Variants in AGPAT4 observed in about 807,000 individuals in gnomAD.
The protein encoded by AGPAT4 is 1-acyl-sn-glycerol-3-phosphate acyltransferase delta.
In AGPAT4, 15 loss-of-function variants were observed where a neutral mutation model predicts 48.0. That is an observed-to-expected ratio of 0.31 (90% CI 0.21 to 0.48). The LOEUF (loss-of-function observed/expected upper bound fraction) is 0.48, where lower values mean the gene tolerates loss of function less well. Ranked by LOEUF, AGPAT4 falls within the 20% of genes least tolerant of loss-of-function variation. The probability of loss-of-function intolerance (pLI) is 0.99; values close to 1 mark genes in which losing one functional copy is unlikely to be tolerated. For synonymous variants in AGPAT4, 178 were observed against 198.7 expected, an observed-to-expected ratio of 0.90 and a Z score of 0.88; for missense variants, 314 against 482.5, an observed-to-expected ratio of 0.65 and a Z score of 3.27.
At chr6:161,258,798 A>ATTT (rs11393554) in intron 1 of AGPAT4, among the ~76,000 whole-genome samples, 6 of 144,300 alleles carry the variant, frequency 4.2e-5, no homozygotes, top group South Asian at 2.2e-4. Context: ...CAAGCATTTA[A>ATTT]TTTTTTTTTT....
chr6:161,209,010 C>A (rs1004262691), intron 2 of AGPAT4, among the ~76,000 whole-genome samples: 4 of 152,110 alleles, frequency 2.6e-5, no homozygotes, highest in Non-Finnish European at 5.9e-5. Flanking sequence ...GCACATCGAA[C>A]AGGAAAGGCT....
chr6:161,217,174 G>A lies in AGPAT4; in HGVS notation c.178+14862C>T, dbSNP rs944761157. Among the ~76,000 whole-genome samples, 1 of 152,178 alleles carries A rather than the reference G, an allele frequency of 6.6e-6. No homozygotes were observed. Among genetic ancestry groups the A allele is most frequent in the African/African-American group, 2.4e-5 (1 of 41,444 alleles). On this transcript the variant is annotated intron_variant, in intron 2 of 8. Transcript: ENST00000320285. The surrounding 1 kb of genome is among the most constrained non-coding windows in gnomAD (Gnocchi z 4.9). ...GGAGGGGCGGAGTGAGCACAGGCGT[G>A]GGGACGCGAAAGGACAGGGGAACAC...
At chr6:161,247,981 C>T (rs1291019932) in intron 1 of AGPAT4, among the ~76,000 whole-genome samples, 1 of 28,212 alleles carries the variant, frequency 3.5e-5, no homozygotes, top group Non-Finnish European at 6.2e-5. Flanking sequence ...GACTCTGTCT[C>T]AAAAAAAAAA....
rs564520692 is a variant in AGPAT4, at chr6:161,157,119, G to T, written c.349-2809C>A. Among the ~76,000 whole-genome samples, 16 of 152,260 alleles carry T rather than the reference G, an allele frequency of 1.1e-4. No homozygotes were observed. The South Asian group carries it at 2.9e-3, about 28-fold the overall frequency. On this transcript the variant is annotated intron_variant, in intron 3 of 8. Coordinates refer to ENST00000320285, the MANE Select transcript of AGPAT4 (RefSeq NM_020133.3). Reference sequence around the variant, plus strand: ...AATTCCTCTAGCACCGCTGGGTTAGGGTCTGCCTGACCAAGCTGGTCTCAG... The same window carrying T: ...AATTCCTCTAGCACCGCTGGGTTAGTGTCTGCCTGACCAAGCTGGTCTCAG...
At chr6:161,150,886 C>T (rs796201175) in intron 5 of AGPAT4, among the ~76,000 whole-genome samples, 12 of 152,332 alleles carry the variant, frequency 7.9e-5, no homozygotes, top group African/African-American at 2.6e-4. Flanking sequence ...ACAGAGCTCA[C>T]GTAGTTCAGC....
At chr6:161,257,955 A>G (rs1452699550) in intron 1 of AGPAT4, among the ~76,000 whole-genome samples, 1 of 152,228 alleles carries the variant, frequency 6.6e-6, no homozygotes, top group Non-Finnish European at 1.5e-5. Flanking sequence ...CTCACCCAGT[A>G]ACGGTACCAA....
At chr6:161,265,151 C>T (rs371571552) in intron 1 of AGPAT4, among the ~76,000 whole-genome samples, 177 of 134,712 alleles carry the variant, frequency 1.3e-3, no homozygotes, top group East Asian at 9.9e-3. Context: ...TAGTACCCAC[C>T]GCTGGACTGG....
chr6:161,151,235 T>C (rs1306726980), intron 5 of AGPAT4, among the ~76,000 whole-genome samples: 2 of 152,226 alleles, frequency 1.3e-5, no homozygotes, highest in East Asian at 1.9e-4. Context: ...CCAATGTCCT[T>C]ATCTGTGAAC....
rs1410413546 is a variant in AGPAT4 at position 161,259,587 on chromosome 6, C to T, written c.-90+14351G>A. 6.6e-6 allele frequency among the ~76,000 whole-genome samples: 1 copy of T among 152,028 alleles called. No individual in the cohort carries two copies. Among genetic ancestry groups the T allele is most frequent in the Non-Finnish European group, 1.5e-5 (1 of 68,018 alleles). On this transcript the variant is annotated intron_variant, in intron 1 of 8. Transcript: ENST00000320285. The surrounding 1 kb of genome is among the most constrained non-coding windows in gnomAD (Gnocchi z 4.9). The stretch of plus-strand genomic sequence containing the variant: ...GGAAAGGCTACAGCATTTGCCAGGC[C>T]TGGTCAAAATGAGAATGTGGGGTTC...
rs148349043 is a variant in AGPAT4 at position 161,238,337 on chromosome 6, C to A, written c.-89-6035G>T. ...CAGGATGCCTGGAACGGGGAAAACC[C>A]CAAGTAATGGGGGATTTTTCTATCA... On this transcript the variant is annotated intron_variant, in intron 1 of 8. Coordinates refer to ENST00000320285, the MANE Select transcript of AGPAT4 (RefSeq NM_020133.3). This position sits in a 1 kb window ranked among gnomAD's most constrained non-coding sequence, Gnocchi z 5.2. 6.6e-6 allele frequency among the ~76,000 whole-genome samples: 1 copy of A among 152,116 alleles called. No individual in the cohort carries two copies. Among genetic ancestry groups the A allele is most frequent in the Non-Finnish European group, 1.5e-5 (1 of 68,002 alleles).
intron 2 of AGPAT4, among the ~76,000 whole-genome samples, chr6:161,190,951 GT>G (rs1780906198): frequency 6.6e-6 from 1 of 152,174 alleles, no homozygotes; most frequent in African/African-American, 2.4e-5. Flanking sequence ...GAGGAAAAAA[GT>G]TTTTTCCAGT....
rs752172534 is a variant in AGPAT4 at position 161,144,808 on chromosome 6, G to A, written c.843+1716C>T. Reference sequence around the variant, plus strand: ...ATCCTGGCAAACACGGTGAAACCCCGTCTCTACTAAACATACAAAAAAATT... The same window carrying A: ...ATCCTGGCAAACACGGTGAAACCCCATCTCTACTAAACATACAAAAAAATT... On this transcript the variant is annotated intron_variant, in intron 7 of 8. Coordinates refer to ENST00000320285, the MANE Select transcript of AGPAT4 (RefSeq NM_020133.3). The surrounding 1 kb of genome is among the most constrained non-coding windows in gnomAD (Gnocchi z 6.6). 5.3e-5 allele frequency among the ~76,000 whole-genome samples: 8 copies of A among 151,990 alleles called. No individual in the cohort carries two copies. The highest frequency in any genetic ancestry group is 1.2e-4 in the Non-Finnish European group (8 of 68,014).
Position 161,179,266 on chromosome 6 carries a change from G to C in AGPAT4, c.179-12849C>G, listed in dbSNP as rs1780516894. On this transcript the variant is annotated intron_variant, in intron 2 of 8. Coordinates refer to ENST00000320285, the MANE Select transcript of AGPAT4 (RefSeq NM_020133.3). ...CCCAGAGTTAGGACGTGTGTGGCTG[G>C]GAGCTGAATCCAGACACAAGGGCCC... Among the ~76,000 whole-genome samples the C allele has an allele frequency of 2.6e-5, 4 of 152,202 alleles. No homozygotes were observed. In the South Asian group the frequency reaches 6.2e-4, roughly 24 times the overall value.
Position 161,137,745 on chromosome 6 carries a change from G to A in AGPAT4, c.1043-1111C>T, listed in dbSNP as rs142817871. On this transcript the variant is annotated intron_variant, in intron 8 of 8. Transcript: ENST00000320285. This position sits in a 1 kb window ranked among gnomAD's most constrained non-coding sequence, Gnocchi z 6.1. The stretch of plus-strand genomic sequence containing the variant: ...CTCCTCAGATGCTCCTGGAGACGCC[G>A]TGTCCACACTGCACCCCTCAGATGC... Among the ~76,000 whole-genome samples the A allele has an allele frequency of 8.9e-3, 1,346 of 150,968 alleles. 12 individuals are homozygous for A. The highest frequency in any genetic ancestry group is 0.013 in the Non-Finnish European group (889 of 67,582).
At position 161,216,261 on chromosome 6, in the gene AGPAT4, T is replaced by A. The variant is rs1781644876; in HGVS notation, c.178+15775A>T. Among the ~76,000 whole-genome samples the A allele has an allele frequency of 6.6e-6, 1 of 151,982 alleles. No homozygotes were observed. Among genetic ancestry groups the A allele is most frequent in the Non-Finnish European group, 1.5e-5 (1 of 68,000 alleles). On this transcript the variant is annotated intron_variant, in intron 2 of 8. Coordinates refer to ENST00000320285, the MANE Select transcript of AGPAT4 (RefSeq NM_020133.3). The surrounding 1 kb of genome is among the most constrained non-coding windows in gnomAD (Gnocchi z 4.8). ...CTCAATGGATGACTGAAGCAAAGGGTCAATGCTTTCAGGGCTCTCAGAGTA... is the reference window on the plus strand; with the variant it reads ...CTCAATGGATGACTGAAGCAAAGGGACAATGCTTTCAGGGCTCTCAGAGTA...
At chr6:161,173,352 G>T (rs1163428858) in intron 2 of AGPAT4, among the ~76,000 whole-genome samples, 3 of 152,164 alleles carry the variant, frequency 2.0e-5, no homozygotes, top group Non-Finnish European at 4.4e-5. Context: ...GACATGAGAT[G>T]GCATATCATT....
In AGPAT4 at chr6:161,266,717, G is replaced by A. The variant is rs143056439; in HGVS notation, c.-90+7221C>T. On this transcript the variant is annotated intron_variant, in intron 1 of 8. Coordinates refer to ENST00000320285, the MANE Select transcript of AGPAT4 (RefSeq NM_020133.3). The surrounding 1 kb of genome is among the most constrained non-coding windows in gnomAD (Gnocchi z 6.2). ...GAGCCTGATGACTTACTCCTGGGAC[G>A]CAGGACACAGTCTGAGATGATTGCA... Among the ~76,000 whole-genome samples the A allele has an allele frequency of 6.0e-3, 912 of 152,322 alleles. 6 individuals are homozygous for A. The highest frequency in any genetic ancestry group is 0.014 in the Middle Eastern group (4 of 294).
rs1344736171 is a variant in AGPAT4 at position 161,206,472 on chromosome 6, G to C, written c.178+25564C>G. ...CCCTTCTCCCATCCAGGTGTCACTG[G>C]GGGCAGAGTGGGGAACCTGGACTTC... is the stretch of plus-strand genomic sequence containing the variant. On this transcript the variant is annotated intron_variant, in intron 2 of 8. Transcript: ENST00000320285. The surrounding 1 kb of genome is among the most constrained non-coding windows in gnomAD (Gnocchi z 4.8). 6.6e-6 allele frequency among the ~76,000 whole-genome samples: 1 copy of C among 152,160 alleles called. No individual in the cohort carries two copies. The highest frequency in any genetic ancestry group is 6.5e-5 in the Admixed American group (1 of 15,272).
At position 161,262,288 on chromosome 6, in the gene AGPAT4, T is replaced by G. The variant is rs1783125862; in HGVS notation, c.-90+11650A>C. Among the ~76,000 whole-genome samples, 1 of 152,128 alleles carries G rather than the reference T, an allele frequency of 6.6e-6. No homozygotes were observed. Among genetic ancestry groups the G allele is most frequent in the Admixed American group, 6.5e-5 (1 of 15,280 alleles). ...TAAAATGCTTCCTAGGTGATCCTCA[T>G]GTGCAGGCAATGTTGAGAACATGGG... On this transcript the variant is annotated intron_variant, in intron 1 of 8. Coordinates refer to ENST00000320285, the MANE Select transcript of AGPAT4 (RefSeq NM_020133.3). The surrounding 1 kb of genome is among the most constrained non-coding windows in gnomAD (Gnocchi z 4.9).
Sources: gnomAD v4.1 joint callset for allele counts (sites outside exome capture counted in the v4.1 genomes callset) on GRCh38, gnomAD v4.1.1 for gene constraint, Gnocchi (gnomAD v3.1) non-coding constraint, MANE v1.5 for transcripts, NCBI Gene and HGNC (gene_info 2026-07-23, HGNC 2026-07-21) for gene names.